The following MND1 variants were observed in gnomAD, a reference collection of about 807,000 sequenced individuals.
MND1 encodes meiotic nuclear division protein 1 homolog.
MND1 carries 28 observed loss-of-function variants against 35.1 expected under a neutral mutation model. The observed-to-expected ratio is 0.80, with a 90% CI of 0.59 to 1.09. The LOEUF is 1.09. MND1 is among the 50% of genes least tolerant of loss of function. The pLI, the probability that MND1 is intolerant of heterozygous loss-of-function variation, is 0.00. For missense variants in MND1, 213 were observed against 239.6 expected (o/e 0.89, Z 0.73); for synonymous variants, 69 against 70.5 (o/e 0.98, Z 0.11).
At chr4:153,379,679 G>A (rs1187448905) in intron 4 of MND1, among the ~76,000 whole-genome samples, 3 of 151,592 alleles carry the variant, frequency 2.0e-5, no homozygotes, top group Non-Finnish European at 2.9e-5. Flanking sequence ...GTGAAACCCC[G>A]TCTCTACTAA....
At chr4:153,382,653 C>A (rs1281429107) in intron 4 of MND1, among the ~76,000 whole-genome samples, 1 of 152,186 alleles carries the variant, frequency 6.6e-6, no homozygotes, top group South Asian at 2.1e-4. Context: ...AAATTTAAAT[C>A]TTTAAGTTAA....
At chr4:153,404,506 G>A (rs533145203) in intron 6 of MND1, among the ~76,000 whole-genome samples, 8 of 135,120 alleles carry the variant, frequency 5.9e-5, no homozygotes, top group Middle Eastern at 6.3e-3. Context: ...TTTTTGAAAC[G>A]GGGTTTCAGT....
At chr4:153,369,527 T>C (rs911006885) in intron 4 of MND1, among the ~76,000 whole-genome samples, 1 of 152,250 alleles carries the variant, frequency 6.6e-6, no homozygotes, top group Non-Finnish European at 1.5e-5. Flanking sequence ...CTGTAATCTA[T>C]TAAATATGTG....
chr4:153,359,981 TTCACC>T (rs1773441469), intron 4 of MND1, among the ~76,000 whole-genome samples: 1 of 152,012 alleles, frequency 6.6e-6, no homozygotes, highest in Non-Finnish European at 1.5e-5. Flanking sequence ...GAGACGGGGT[TTCACC>T]ATGATGGCCA....
intron 4 of MND1, among the ~76,000 whole-genome samples, chr4:153,372,536 A>G (rs1015731921): frequency 6.6e-6 from 1 of 152,216 alleles, no homozygotes; most frequent in African/African-American, 2.4e-5. Flanking sequence ...TATCACCACA[A>G]TCAAGGTAAT....
intron 4 of MND1, among the ~76,000 whole-genome samples, chr4:153,393,830 C>G (rs1022139457): frequency 8.4e-6 from 1 of 119,684 alleles, no homozygotes; most frequent in Non-Finnish European, 1.8e-5. Flanking sequence ...TTTTTAAACT[C>G]TTTTTTTTTT....
intron 4 of MND1, among the ~76,000 whole-genome samples, chr4:153,390,919 A>ATGTGTGTGTGTG (rs149830333): frequency 1.6e-5 from 2 of 124,646 alleles, no homozygotes; most frequent in East Asian, 2.4e-4. Context: ...GTGTGTGTAT[A>ATGTGTGTGTGTG]TGTGTGTGTG....
intron 4 of MND1, among the ~76,000 whole-genome samples, chr4:153,363,394 T>C (rs755648016): frequency 1.3e-5 from 2 of 152,070 alleles, no homozygotes; most frequent in Non-Finnish European, 2.9e-5. Flanking sequence ...GTATTTTTGG[T>C]AGAGACAGGG....
intron 5 of MND1, among the ~76,000 whole-genome samples, chr4:153,396,854 A>G (rs918028444): frequency 4.6e-5 from 7 of 152,188 alleles, no homozygotes; most frequent in Admixed American, 1.3e-4. Flanking sequence ...TTACTTACAC[A>G]TATAGACATA....
chr4:153,412,248 A>G (rs2149661346), intron 7 of MND1, among the ~76,000 whole-genome samples: 1 of 152,356 alleles, frequency 6.6e-6, no homozygotes, highest in South Asian at 2.1e-4. Flanking sequence ...ATACTTGGAA[A>G]TAAACTTCCA....
intron 4 of MND1, among the ~76,000 whole-genome samples, chr4:153,390,076 G>C (rs922998984): frequency 2.0e-5 from 3 of 151,400 alleles, no homozygotes; most frequent in Non-Finnish European, 4.4e-5. Flanking sequence ...TACTGGTTCA[G>C]ATAGTTTATA....
At chr4:153,401,801 A>T (rs1042237048) in intron 6 of MND1, among the ~76,000 whole-genome samples, 1 of 152,216 alleles carries the variant, frequency 6.6e-6, no homozygotes, top group Non-Finnish European at 1.5e-5. Context: ...CATATGGGGC[A>T]TGGCTATGTA....
At chr4:153,393,244 A>G (rs187237590) in intron 4 of MND1, among the ~76,000 whole-genome samples, 1 of 152,188 alleles carries the variant, frequency 6.6e-6, no homozygotes, top group Admixed American at 6.5e-5. Flanking sequence ...ATAAGTGACA[A>G]ATTTATTATT....
intron 5 of MND1, 50 bp from the exon 6 acceptor site, chr4:153,397,169 A>T: frequency 7.9e-7 from 1 of 1,272,310 alleles, no homozygotes. Flanking sequence ...ACCTTACAAC[A>T]TATAGAATTT....
chr4:153,345,180 G>C (rs531149546), intron 1 of MND1, among the ~76,000 whole-genome samples: 1 of 152,362 alleles, frequency 6.6e-6, no homozygotes, highest in Non-Finnish European at 1.5e-5. Context: ...CATTAAGAAC[G>C]GGGAGAGAAA....
chr4:153,414,322 C>T (rs1186473260), intron 7 of MND1, among the ~76,000 whole-genome samples: 5 of 151,698 alleles, frequency 3.3e-5, no homozygotes, highest in African/African-American at 1.2e-4. Flanking sequence ...ACTCCTGTTG[C>T]CCAGGCTGGA....
chr4:153,361,742 G>A, intron 4 of MND1: 1 of 340,756 alleles, frequency 2.9e-6, no homozygotes, highest in Non-Finnish European at 5.7e-6. Context: ...GGAGGCTGGG[G>A]CAGGAGAATG....
chr4:153,361,566 G>A lies in MND1; in HGVS notation c.276+2944G>A, dbSNP rs142951428. The A allele has an allele frequency of 1.9e-3, 874 of 455,978 alleles. 7 individuals are homozygous for A. Among genetic ancestry groups the A allele is most frequent in the African/African-American group, 0.015 (765 of 50,176 alleles). The allele number at this position is 455,978 out of a possible 1,614,324, so 28.2% of individuals were successfully genotyped here. On this transcript the variant is annotated intron_variant, in intron 4 of 7. Transcript: ENST00000240488. The stretch of plus-strand genomic sequence containing the variant: ...CTATTATAGAAAATTCTGGCTGGGC[G>A]CAGTGGCTCACGCCTGTAATCCCAG...
At chr4:153,381,068 T>A (rs1728667479) in intron 4 of MND1, among the ~76,000 whole-genome samples, 1 of 151,936 alleles carries the variant, frequency 6.6e-6, no homozygotes, top group African/African-American at 2.4e-5. Context: ...CCCGGCTAAT[T>A]TTTTGTATTT....
Sources: allele counts gnomAD v4.1 joint callset (sites outside exome capture counted in the v4.1 genomes callset), GRCh38; gene constraint gnomAD v4.1.1; transcripts MANE v1.5; gene names NCBI Gene and HGNC (gene_info 2026-07-23, HGNC 2026-07-21).